The following ANKS1B variants were observed in gnomAD, a reference collection of about 807,000 sequenced individuals.
ANKS1B encodes ankyrin repeat and sterile alpha motif domain containing 1B.
ANKS1B carries 36 observed loss-of-function variants against 148.3 expected under a neutral mutation model. The ratio of observed to expected loss-of-function variants is 0.24; its 90% CI spans 0.19 to 0.32. The LOEUF is 0.32. ANKS1B is among the 10% of genes least tolerant of loss of function. The pLI, the probability that ANKS1B is intolerant of heterozygous loss-of-function variation, is 1.00. For synonymous variants in ANKS1B, 542 were observed against 560.8 expected, an observed-to-expected ratio of 0.97 and a Z score of 0.47; for missense variants, 1,157 against 1,542.6, an observed-to-expected ratio of 0.75 and a Z score of 4.19.
chr12:98,995,707 G>C (rs2099929132), intron 17 of ANKS1B, among the ~76,000 whole-genome samples: 1 of 152,162 alleles, frequency 6.6e-6, no homozygotes, highest in Non-Finnish European at 1.5e-5. Context: ...TGGACTTCAT[G>C]GAATGAAAGG....
intron 12 of ANKS1B, chr12:99,344,778 T>G (rs2090434657): frequency 6.6e-6 from 1 of 152,000 alleles, no homozygotes; most frequent in South Asian, 2.1e-4. Flanking sequence ...ATATTTCAAT[T>G]AGCTAAAAGC....
intron 8 of ANKS1B, among the ~76,000 whole-genome samples, chr12:99,721,445 C>T (rs1600627134): frequency 1.3e-5 from 2 of 152,142 alleles, no homozygotes; most frequent in South Asian, 2.1e-4. Flanking sequence ...GTGAAAATGG[C>T]CTGTTCCTGC....
chr12:99,878,203 T>C (rs527893997), intron 1 of ANKS1B, among the ~76,000 whole-genome samples: 7 of 152,316 alleles, frequency 4.6e-5, no homozygotes, highest in Admixed American at 2.6e-4. Context: ...CAAAATACTG[T>C]AGCTCCAGAC....
chr12:99,525,571 A>G (rs1369082559), intron 9 of ANKS1B, among the ~76,000 whole-genome samples: 2 of 152,240 alleles, frequency 1.3e-5, no homozygotes, highest in African/African-American at 4.8e-5. Context: ...GAAACTTATT[A>G]CATTATAAAG....
intron 12 of ANKS1B, among the ~76,000 whole-genome samples, chr12:99,327,124 AATT>A (rs1390081496): frequency 2.4e-5 from 3 of 125,490 alleles, no homozygotes; most frequent in Non-Finnish European, 1.6e-5. Flanking sequence ...TAACTAATAT[AATT>A]AATATATTAA....
chr12:99,451,742 C>T (rs1365920989), intron 10 of ANKS1B, among the ~76,000 whole-genome samples: 4 of 151,776 alleles, frequency 2.6e-5, no homozygotes, highest in Non-Finnish European at 5.9e-5. Context: ...TAAAACAGTG[C>T]CTTTCACATA....
At chr12:99,889,874 T>C (rs755273173) in intron 1 of ANKS1B, among the ~76,000 whole-genome samples, 20 of 152,158 alleles carry the variant, frequency 1.3e-4, no homozygotes, top group Non-Finnish European at 2.8e-4. Flanking sequence ...TCCAGAATCA[T>C]ACTCACAGTG....
At chr12:99,035,463 T>C (rs1357114624) in intron 17 of ANKS1B, among the ~76,000 whole-genome samples, 1 of 152,150 alleles carries the variant, frequency 6.6e-6, no homozygotes, top group Non-Finnish European at 1.5e-5. Flanking sequence ...CTTTTTTTGG[T>C]CCAATAATAT....
At chr12:99,152,177 C>A (rs12825896) in intron 15 of ANKS1B, among the ~76,000 whole-genome samples, 2 of 152,044 alleles carry the variant, frequency 1.3e-5, no homozygotes, top group African/African-American at 4.8e-5. Flanking sequence ...AGAAATTAAT[C>A]GCTTATGATA....
chr12:99,714,603 A>C (rs763998632), intron 8 of ANKS1B, among the ~76,000 whole-genome samples: 5 of 152,096 alleles, frequency 3.3e-5, no homozygotes, highest in African/African-American at 7.2e-5. Context: ...TACTGTAATC[A>C]CTTGAGGCAC....
intron 17 of ANKS1B, among the ~76,000 whole-genome samples, chr12:98,988,052 A>G (rs967195302): frequency 6.6e-6 from 1 of 152,220 alleles, no homozygotes; most frequent in Non-Finnish European, 1.5e-5. Flanking sequence ...TGAAGCATGT[A>G]TACATTGTGA....
intron 10 of ANKS1B, among the ~76,000 whole-genome samples, chr12:99,487,918 T>C (rs924564322): frequency 6.6e-6 from 1 of 152,082 alleles, no homozygotes; most frequent in Non-Finnish European, 1.5e-5. Flanking sequence ...ACATGACATA[T>C]TAAAATCTTG....
intron 8 of ANKS1B, among the ~76,000 whole-genome samples, chr12:99,703,481 T>C (rs1224442173): frequency 1.3e-5 from 2 of 152,156 alleles, no homozygotes; most frequent in Non-Finnish European, 2.9e-5. Context: ...ATCTCCTTTC[T>C]TTACGTTTCA....
At chr12:99,959,848 A>G (rs2153830562) in intron 1 of ANKS1B, among the ~76,000 whole-genome samples, 1 of 152,348 alleles carries the variant, frequency 6.6e-6, no homozygotes, top group South Asian at 2.1e-4. Flanking sequence ...AGCTTATTAT[A>G]AAGGACTAAA....
chr12:99,346,974 G>A (rs2090781954), intron 12 of ANKS1B, among the ~76,000 whole-genome samples: 1 of 151,942 alleles, frequency 6.6e-6, no homozygotes, highest in Admixed American at 6.6e-5. Context: ...CACCATTGCT[G>A]GCTTAATGGT....
chr12:99,828,531 CA>C (rs147710959), intron 1 of ANKS1B, among the ~76,000 whole-genome samples: 14 of 151,614 alleles, frequency 9.2e-5, no homozygotes, highest in Non-Finnish European at 1.6e-4. Context: ...GAAACCAAAA[CA>C]AAAAATTAGG....
intron 14 of ANKS1B, among the ~76,000 whole-genome samples, chr12:99,241,451 C>T (rs891057211): frequency 6.6e-6 from 1 of 152,148 alleles, no homozygotes; most frequent in Non-Finnish European, 1.5e-5. Flanking sequence ...AAATTCACAG[C>T]CGAGTTCTAC....
intron 17 of ANKS1B, chr12:98,894,948 C>A: frequency 1.6e-5 from 14 of 865,972 alleles, no homozygotes; most frequent in Non-Finnish European, 1.9e-5. Flanking sequence ...CGCGCGCCCT[C>A]GCACCCGCCC....
At chr12:99,984,071 T>A (rs749194696) in intron 1 of ANKS1B, 33 bp downstream of exon 1, 2 of 1,584,026 alleles carry the variant, frequency 1.3e-6, no homozygotes, top group Non-Finnish European at 1.7e-6. Flanking sequence ...CATAATGAGG[T>A]GTGCCAACCC....
Sources: allele counts gnomAD v4.1 joint callset (sites outside exome capture counted in the v4.1 genomes callset), GRCh38; gene constraint gnomAD v4.1.1; transcripts MANE v1.5; gene names NCBI Gene and HGNC (gene_info 2026-07-23, HGNC 2026-07-21).